The following CNTNAP5 variants were observed in gnomAD, a reference collection of about 807,000 sequenced individuals.
CNTNAP5 encodes the protein contactin-associated protein-like 5.
CNTNAP5 carries 72 observed loss-of-function variants against 150.2 expected under a neutral mutation model. The observed-to-expected ratio is 0.48, with a 90% CI of 0.40 to 0.58. The LOEUF (loss-of-function observed/expected upper bound fraction) is 0.58, where lower values mean the gene tolerates loss of function less well. Among genes scored for constraint, CNTNAP5 ranks in the 20% least tolerant of loss-of-function variants. The pLI is 0.00. For synonymous variants in CNTNAP5, 672 were observed against 619.8 expected (o/e 1.08, Z -1.25); for missense variants, 1,636 against 1,626.2 (o/e 1.01, Z -0.10).
At chr2:124,358,798 T>A (rs1341960719) in intron 3 of CNTNAP5, among the ~76,000 whole-genome samples, 1 of 151,734 alleles carries the variant, frequency 6.6e-6, no homozygotes, top group Non-Finnish European at 1.5e-5. Flanking sequence ...GGCTTTGGTA[T>A]CAGAATGATG....
intron 1 of CNTNAP5, among the ~76,000 whole-genome samples, chr2:124,220,403 A>G (rs1226656764): frequency 6.6e-6 from 1 of 152,054 alleles, no homozygotes; most frequent in Non-Finnish European, 1.5e-5. Flanking sequence ...TTCTTATTTC[A>G]TTAGCTCACG....
At chr2:124,285,445 T>G (rs1688125797) in intron 3 of CNTNAP5, among the ~76,000 whole-genome samples, 1 of 152,306 alleles carries the variant, frequency 6.6e-6, no homozygotes, top group East Asian at 1.9e-4. Flanking sequence ...CAATTTTATG[T>G]GTTGGCTCTC....
At chr2:124,867,932 C>T (rs1440157779) in intron 20 of CNTNAP5, among the ~76,000 whole-genome samples, 1 of 152,192 alleles carries the variant, frequency 6.6e-6, no homozygotes. Flanking sequence ...ACAATGACCT[C>T]ATCCCCTGCA....
chr2:124,504,148 G>C, intron 7 of CNTNAP5, 144 bp from the exon 8 acceptor site: 1 of 801,800 alleles, frequency 1.2e-6, no homozygotes, highest in Non-Finnish European at 2.0e-6. Flanking sequence ...GAGCAAAGCC[G>C]ACATTTTTTT....
chr2:124,468,010 G>A (rs1454370866), intron 6 of CNTNAP5, among the ~76,000 whole-genome samples: 2 of 152,006 alleles, frequency 1.3e-5, no homozygotes, highest in Non-Finnish European at 2.9e-5. Flanking sequence ...ATCACTAATG[G>A]GGTGGTTTGT....
intron 12 of CNTNAP5, among the ~76,000 whole-genome samples, chr2:124,625,726 G>T (rs951836433): frequency 6.6e-6 from 1 of 152,108 alleles, no homozygotes; most frequent in Non-Finnish European, 1.5e-5. Context: ...CTCATTTTTG[G>T]CATCAGGGGA....
At chr2:124,503,630 A>G (rs553925798) in intron 7 of CNTNAP5, among the ~76,000 whole-genome samples, 1 of 152,296 alleles carries the variant, frequency 6.6e-6, no homozygotes, top group African/African-American at 2.4e-5. Flanking sequence ...TTGAATGAAA[A>G]CCATTCAGGA....
At chr2:124,285,681 T>C (rs995898037) in intron 3 of CNTNAP5, among the ~76,000 whole-genome samples, 3 of 150,840 alleles carry the variant, frequency 2.0e-5, no homozygotes, top group African/African-American at 4.9e-5. Context: ...CGTGTACCTG[T>C]AGTCAGAGTT....
At chr2:124,104,188 T>G (rs1683124073) in intron 1 of CNTNAP5, among the ~76,000 whole-genome samples, 1 of 152,014 alleles carries the variant, frequency 6.6e-6, no homozygotes, top group East Asian at 1.9e-4. Flanking sequence ...ATCTTTATTT[T>G]TCTTTCATTT....
chr2:124,811,864 C>A (rs1468529114), intron 19 of CNTNAP5, among the ~76,000 whole-genome samples: 1 of 146,136 alleles, frequency 6.8e-6, no homozygotes. Flanking sequence ...ATCGCTTGAA[C>A]CCGGGAGGCA....
intron 3 of CNTNAP5, among the ~76,000 whole-genome samples, chr2:124,328,334 A>G (rs1351929932): frequency 6.6e-6 from 1 of 152,174 alleles, no homozygotes; most frequent in Non-Finnish European, 1.5e-5. Context: ...GCTTCCATGC[A>G]TGAGGCAGTG....
chr2:124,841,385 T>A (rs939155707), intron 19 of CNTNAP5, among the ~76,000 whole-genome samples: 21 of 151,960 alleles, frequency 1.4e-4, no homozygotes, highest in Non-Finnish European at 2.2e-4. Flanking sequence ...CCATCTTTTT[T>A]TTTTTTTAAT....
chr2:124,299,856 T>C lies in CNTNAP5; in HGVS notation c.381+57463T>C, dbSNP rs188194949. The stretch of plus-strand genomic sequence containing the variant: ...CACCTGGAATGCCTGGTGTCTGAGG[T>C]CACAAAGACCATGGTGAAGGGAAGG... On this transcript the variant is annotated intron_variant, in intron 3 of 23. Transcript: ENST00000682447. 5.9e-5 allele frequency among the ~76,000 whole-genome samples: 9 copies of C among 152,268 alleles called. No individual in the cohort carries two copies. The East Asian group carries it at 1.7e-3, about 29-fold the overall frequency.
intron 10 of CNTNAP5, among the ~76,000 whole-genome samples, chr2:124,555,127 T>G (rs1695720479): frequency 6.6e-6 from 1 of 152,268 alleles, no homozygotes; most frequent in East Asian, 1.9e-4. Flanking sequence ...ATGCTATTTT[T>G]TTCTGAGAAA....
At chr2:124,413,307 G>C (rs1409946234) in intron 3 of CNTNAP5, among the ~76,000 whole-genome samples, 5 of 151,494 alleles carry the variant, frequency 3.3e-5, no homozygotes, top group African/African-American at 4.9e-5. Flanking sequence ...TTCAACCATT[G>C]TGGAAGTCAT....
chr2:124,052,953 C>A (rs1021513578), intron 1 of CNTNAP5, among the ~76,000 whole-genome samples: 1 of 152,172 alleles, frequency 6.6e-6, no homozygotes, highest in African/African-American at 2.4e-5. Flanking sequence ...TTCTATTTAT[C>A]CTTCAAGACA....
chr2:124,354,675 T>C (rs1179959008), intron 3 of CNTNAP5, among the ~76,000 whole-genome samples: 9 of 152,194 alleles, frequency 5.9e-5, no homozygotes, highest in Admixed American at 3.3e-4. Flanking sequence ...TTTTATCTTA[T>C]GAAACACGTA....
chr2:124,623,538 G>T (rs1677660034), intron 12 of CNTNAP5, among the ~76,000 whole-genome samples: 1 of 152,268 alleles, frequency 6.6e-6, no homozygotes, highest in Middle Eastern at 3.4e-3. Context: ...TTATACTTTA[G>T]TTTCTCTGTC....
chr2:124,408,640 A>T (rs564936092), intron 3 of CNTNAP5, among the ~76,000 whole-genome samples: 2 of 150,498 alleles, frequency 1.3e-5, no homozygotes, highest in East Asian at 3.9e-4. Flanking sequence ...ACACCTCACA[A>T]GGCAGGGTAT....
Sources: gnomAD v4.1 joint callset for allele counts (sites outside exome capture counted in the v4.1 genomes callset) on GRCh38, gnomAD v4.1.1 for gene constraint, MANE v1.5 for transcripts, NCBI Gene and HGNC (gene_info 2026-07-23, HGNC 2026-07-21) for gene names.